The following LAD1 variants were observed in gnomAD, a reference collection of about 807,000 sequenced individuals.
LAD1 encodes ladinin 1, also known as ladinin-1.
Under a neutral mutation model 54.2 loss-of-function variants are expected in LAD1, and 53 were observed. The ratio of observed to expected loss-of-function variants is 0.98; its 90% CI spans 0.78 to 1.23. LAD1 has a LOEUF of 1.23. Among genes scored for constraint, LAD1 ranks in the 50% most tolerant of loss-of-function variants. The pLI, the probability that LAD1 is intolerant of heterozygous loss-of-function variation, is 0.00. For synonymous variants in LAD1, 231 were observed against 257.7 expected (o/e 0.90, Z 0.99); for missense variants, 637 against 653.3 (o/e 0.98, Z 0.27).
At chr1:201,396,820 A>T (rs1463580004) in intron 1 of LAD1, among the ~76,000 whole-genome samples, 1 of 152,114 alleles carries the variant, frequency 6.6e-6, no homozygotes, top group Non-Finnish European at 1.5e-5. Context: ...TCCAGCCCCA[A>T]AGGTCTAGGG....
chr1:201,398,423 GTTTC>G, intron 1 of LAD1, among the ~76,000 whole-genome samples: 2 of 152,218 alleles, frequency 1.3e-5, no homozygotes, highest in Non-Finnish European at 2.9e-5. Context: ...AGGAGCCTCA[GTTTC>G]CTTAGGGACA....
chr1:201,393,251 G>A (rs1218624586), intron 1 of LAD1, among the ~76,000 whole-genome samples: 1 of 152,160 alleles, frequency 6.6e-6, no homozygotes, highest in African/African-American at 2.4e-5. Flanking sequence ...GTGTTGGCAT[G>A]AACAGGGGAG....
At chr1:201,385,938 C>T in intron 3 of LAD1, 133 bp from the exon 4 acceptor site, 1 of 692,964 alleles carries the variant, frequency 1.4e-6, no homozygotes, top group Non-Finnish European at 2.6e-6. Flanking sequence ...TTCTCTCCTG[C>T]CTCCTTCATC....
intron 1 of LAD1, 147 bp from the exon 2 acceptor site, chr1:201,389,450 G>C: frequency 1.1e-6 from 1 of 879,754 alleles, no homozygotes; most frequent in Non-Finnish European, 1.7e-6. Flanking sequence ...AACGTGGCTG[G>C]TGTGAACCAA....
At chr1:201,387,258 G>A in intron 2 of LAD1, 80 bp from the exon 3 acceptor site, 1 of 1,374,594 alleles carries the variant, frequency 7.3e-7, no homozygotes. Flanking sequence ...TGGAGATGCT[G>A]CCAGGGCCAC....
At chr1:201,384,759 A>G (rs1331278751) in intron 5 of LAD1, 33 bp downstream of exon 5, 1 of 1,612,236 alleles carries the variant, frequency 6.2e-7, no homozygotes, top group Non-Finnish European at 8.5e-7. Context: ...AACATGGCCA[A>G]ATAGAAAGAA....
At chr1:201,398,495 T>G (rs554667522) in intron 1 of LAD1, among the ~76,000 whole-genome samples, 1 of 152,222 alleles carries the variant, frequency 6.6e-6, no homozygotes, top group Non-Finnish European at 1.5e-5. Flanking sequence ...ACAGGGGGCC[T>G]TCTTGGCAGA....
Position 201,384,813 on chromosome 1 carries a change from G to A in LAD1, c.1154C>T (p.Ser385Leu), listed in dbSNP as rs138044157. Reference protein sequence around the residue: ...SFRMKPKKENSETTLTRSASM... With the variant: ...SFRMKPKKENLETTLTRSASM... Reference sequence around the variant, plus strand: ...CCACCTGCGAGTTAGGGTTGTTTCCGAGTTTTCTTTCTTGGGTTTCATCTG... The same window carrying A: ...CCACCTGCGAGTTAGGGTTGTTTCCAAGTTTTCTTTCTTGGGTTTCATCTG... Residue 385 changes from serine (S) to leucine (L), a missense_variant, in exon 5 of 10, where the codon TCG (serine) becomes TTG (leucine). Physicochemically the swap from Ser to Leu is moderately radical, Grantham distance 145. Coordinates refer to ENST00000391967, the MANE Select transcript of LAD1 (RefSeq NM_005558.4). 89 of 1,614,034 alleles carry A rather than the reference G, an allele frequency of 5.5e-5. No homozygotes were observed. The African/African-American group carries it at 9.1e-4, about 16-fold the overall frequency.
chr1:201,382,913 G>A (rs777893801), intron 7 of LAD1, 161 bp downstream of exon 7: 1 of 1,035,570 alleles, frequency 9.7e-7, no homozygotes, highest in African/African-American at 1.6e-5. Flanking sequence ...GCCCAGCTAA[G>A]GAGATGGGCT....
chr1:201,393,973 G>A (rs1050794007), intron 1 of LAD1, among the ~76,000 whole-genome samples: 3 of 151,754 alleles, frequency 2.0e-5, no homozygotes, highest in Non-Finnish European at 4.4e-5. Flanking sequence ...CACTTTGGGA[G>A]GCCAAGGTGG....
At chr1:201,396,616 C>T (rs1662294909) in intron 1 of LAD1, among the ~76,000 whole-genome samples, 1 of 151,728 alleles carries the variant, frequency 6.6e-6, no homozygotes, top group Admixed American at 6.6e-5. Context: ...AGAAGGCTGC[C>T]CCAGATGCAT....
chr1:201,381,142 C>G lies in LAD1; in HGVS notation c.*746G>C, dbSNP rs1661947936. 1.3e-5 allele frequency: 2 copies of G among 153,528 alleles called. No homozygotes were observed. Among genetic ancestry groups the G allele is most frequent in the African/African-American group, 4.8e-5 (2 of 41,416 alleles). 9.5% of individuals were successfully genotyped at this position (153,528 alleles called of 1,614,324 possible). On this transcript the variant is annotated 3_prime_UTR_variant, in exon 10 of 10. Transcript: ENST00000391967. ...GGAAAATGATGATCCTCCTCACACACTTCAGGTGACCTCTGCTAGAAAGCA... is the reference window on the plus strand; with the variant it reads ...GGAAAATGATGATCCTCCTCACACAGTTCAGGTGACCTCTGCTAGAAAGCA...
At chr1:201,382,414 A>T in intron 8 of LAD1, 88 bp from the exon 9 acceptor site, 1 of 1,088,098 alleles carries the variant, frequency 9.2e-7, no homozygotes, top group South Asian at 1.3e-5. Context: ...CCAGCCCAGG[A>T]TGTCCTTTCT....
At chr1:201,397,713 A>G (rs1323391207) in intron 1 of LAD1, among the ~76,000 whole-genome samples, 2 of 152,156 alleles carry the variant, frequency 1.3e-5, no homozygotes, top group Non-Finnish European at 2.9e-5. Flanking sequence ...GAACATATGC[A>G]GACTGACAAA....
In LAD1 at chr1:201,384,845, GAAGGA is replaced by G. The variant is rs776741326; in HGVS notation, c.1132-15_1132-11del. The G allele has an allele frequency of 6.2e-7, 1 of 1,613,842 alleles. No homozygotes were observed. Among genetic ancestry groups the G allele is most frequent in the Non-Finnish European group, 8.5e-7 (1 of 1,179,978 alleles). ...CTTTCTTGGGTTTCATCTGAAATGA[GAAGGA>G]AAGGCATTGTTGTGTGGGAGTCCCC... is the stretch of plus-strand genomic sequence containing the variant. On this transcript the variant is annotated splice_polypyrimidine_tract_variant and intron_variant, in intron 4 of 9. Coordinates refer to ENST00000391967, the MANE Select transcript of LAD1 (RefSeq NM_005558.4).
chr1:201,395,874 C>T (rs565065111), intron 1 of LAD1, among the ~76,000 whole-genome samples: 7 of 152,326 alleles, frequency 4.6e-5, no homozygotes, highest in Admixed American at 2.0e-4. Context: ...AAAGCACCTA[C>T]GCTTAACCAT....
intron 9 of LAD1, 102 bp downstream of exon 9, chr1:201,382,150 C>A: frequency 9.6e-7 from 1 of 1,038,748 alleles, no homozygotes. Flanking sequence ...GGGTGGACTG[C>A]GCGATTGCAG....
chr1:201,382,127 A>C (rs895488363), intron 9 of LAD1, 125 bp downstream of exon 9: 11 of 903,076 alleles, frequency 1.2e-5, no homozygotes, highest in Non-Finnish European at 2.0e-5. Flanking sequence ...ATGAGCAGGG[A>C]TGGGGGCGTT....
intron 1 of LAD1, among the ~76,000 whole-genome samples, chr1:201,396,796 T>G (rs1662298830): frequency 6.6e-6 from 1 of 151,782 alleles, no homozygotes; most frequent in South Asian, 2.1e-4. Flanking sequence ...CTGTGGGGGG[T>G]AACTCAGGTC....
Sources: allele counts gnomAD v4.1 joint callset (sites outside exome capture counted in the v4.1 genomes callset), GRCh38; gene constraint gnomAD v4.1.1; transcripts MANE v1.5; gene names NCBI Gene and HGNC (gene_info 2026-07-23, HGNC 2026-07-21).